The following GNPDA2 variants were observed in gnomAD, a reference collection of about 807,000 sequenced individuals.
The protein encoded by GNPDA2 is glucosamine-6-phosphate deaminase 2, also known as glcN6P deaminase 2.
A neutral mutation model predicts 27.0 loss-of-function variants in GNPDA2; 24 were observed. That is an observed-to-expected ratio of 0.89 (90% CI 0.64 to 1.25). The LOEUF is 1.25. Among genes scored for constraint, GNPDA2 ranks in the 50% most tolerant of loss-of-function variants. GNPDA2 has a pLI of 0.00. For synonymous variants in GNPDA2, 94 were observed against 108.4 expected (o/e 0.87, Z 0.83); for missense variants, 286 against 335.1 (o/e 0.85, Z 1.14).
intron 6 of GNPDA2, chr4:44,703,981 T>C (rs1716433267): frequency 3.0e-6 from 3 of 985,202 alleles, no homozygotes; most frequent in Non-Finnish European, 3.6e-6. Flanking sequence ...GGAAAGGCAC[T>C]TAATGCGGTT....
intron 4 of GNPDA2, 123 bp from the exon 5 acceptor site, chr4:44,711,260 C>T (rs1716962813): frequency 1.9e-6 from 1 of 520,442 alleles, no homozygotes; most frequent in African/African-American, 2.0e-5. Flanking sequence ...CCTATTACTG[C>T]ATTAAAATAT....
At chr4:44,705,024 A>G in intron 6 of GNPDA2, 4 of 979,294 alleles carry the variant, frequency 4.1e-6, no homozygotes, top group African/African-American at 1.7e-5. Flanking sequence ...ATATAGGTAT[A>G]TATTGAAATA....
At position 44,701,823 on chromosome 4, in the gene GNPDA2, T is replaced by C. The variant is rs969773117; in HGVS notation, c.*1258A>G. ...AACATCATCTGGAATTAAAGCAGCA[T>C]AATTTACCCCATCCCCCACTTTTAA... On this transcript the variant is annotated 3_prime_UTR_variant, in exon 7 of 7. Coordinates refer to ENST00000295448, the MANE Select transcript of GNPDA2 (RefSeq NM_138335.3). 2.0e-6 allele frequency: 2 copies of C among 984,426 alleles called. No homozygotes were observed. The highest frequency in any genetic ancestry group is 3.5e-5 in the African/African-American group (2 of 57,196). 61.0% of individuals were successfully genotyped at this position (984,426 alleles called of 1,614,324 possible). A position where few individuals can be genotyped will look rare whatever the true frequency, so the allele number is the denominator to read the frequency against.
Position 44,707,945 on chromosome 4 carries a change from C to G in GNPDA2, c.595-19G>C. On this transcript the variant is annotated intron_variant, in intron 5 of 6. Coordinates refer to ENST00000295448, the MANE Select transcript of GNPDA2 (RefSeq NM_138335.3). ...TCATTACCTGAAAAATTATGAACATCAATTGTTAAAACTTGTTCCAAATGA... is the reference window on the plus strand; with the variant it reads ...TCATTACCTGAAAAATTATGAACATGAATTGTTAAAACTTGTTCCAAATGA... The G allele has an allele frequency of 6.5e-7, 1 of 1,532,602 alleles. No homozygotes were observed. Among genetic ancestry groups the G allele is most frequent in the Non-Finnish European group, 8.8e-7 (1 of 1,130,182 alleles). The allele number at this position is 1,532,602 out of a possible 1,614,324, so 94.9% of individuals were successfully genotyped here.
chr4:44,708,284 T>C (rs1716742533), intron 5 of GNPDA2, among the ~76,000 whole-genome samples: 1 of 152,100 alleles, frequency 6.6e-6, no homozygotes, highest in African/African-American at 2.4e-5. Flanking sequence ...AAATAATTTA[T>C]ACAATCTAGA....
In GNPDA2 at chr4:44,703,073, A is replaced by G. The variant is rs1577577626; in HGVS notation, c.*8T>C. The G allele has an allele frequency of 4.3e-6, 7 of 1,611,646 alleles. No homozygotes were observed. Among genetic ancestry groups the G allele is most frequent in the Non-Finnish European group, 5.1e-6 (6 of 1,178,898 alleles). On this transcript the variant is annotated 3_prime_UTR_variant, in exon 7 of 7. Coordinates refer to ENST00000295448, the MANE Select transcript of GNPDA2 (RefSeq NM_138335.3). ...GTTCATTCAAGCTGAATTTTGCTCC[A>G]GTCTCCTTCAGTTTCCATCTTTCAT...
intron 2 of GNPDA2, among the ~76,000 whole-genome samples, chr4:44,719,773 CCAAAAAAAAAGACTGAA>C (rs1717553910): frequency 1.3e-5 from 2 of 149,442 alleles, no homozygotes; most frequent in African/African-American, 4.9e-5. Flanking sequence ...ATCAATGTGG[CCAAAAAAAAAGACTGAA>C]GAAAAAAAAA....
rs2109713865 is a variant in GNPDA2 at position 44,717,196 on chromosome 4, C to T, written c.326G>A (p.Gly109Glu). The T allele has an allele frequency of 6.2e-7, 1 of 1,606,396 alleles. No individual in the cohort carries two copies. Among genetic ancestry groups the T allele is most frequent in the South Asian group, 1.1e-5 (1 of 89,868 alleles). The change falls in exon 4 of 7, where the codon GGG becomes GAG. Residue 109 changes from glycine to glutamate, a missense_variant. Gly to Glu is a moderately conservative substitution (Grantham distance 98). Transcript: ENST00000295448. Reference protein sequence around the residue: ...IDPNNAHILDGNAADLQAECD... With the variant: ...IDPNNAHILDENAADLQAECD... Reference sequence around the variant, plus strand: ...TTCTGCTTGTAAATCTGCAGCATTCCCGTCAAGGATATGTGCATTATTAGG... The same window carrying T: ...TTCTGCTTGTAAATCTGCAGCATTCTCGTCAAGGATATGTGCATTATTAGG...
intron 4 of GNPDA2, chr4:44,714,643 T>C: frequency 1.0e-6 from 1 of 984,946 alleles, no homozygotes; most frequent in Non-Finnish European, 1.2e-6. Flanking sequence ...GTTCTTAGAG[T>C]TTTTATTAAC....
intron 3 of GNPDA2, 40 bp downstream of exon 3, chr4:44,718,269 C>T: frequency 1.3e-6 from 1 of 769,832 alleles, no homozygotes; most frequent in Non-Finnish European, 2.1e-6. Flanking sequence ...CCAAATATAA[C>T]ATACCCAAAT....
chr4:44,703,598 A>G (rs779526241), intron 6 of GNPDA2: 12 of 981,924 alleles, frequency 1.2e-5, no homozygotes, highest in South Asian at 4.7e-5. Flanking sequence ...TTACTTTCCA[A>G]TAGTTTGGCA....
chr4:44,715,734 G>C (rs1189770159), intron 4 of GNPDA2, among the ~76,000 whole-genome samples: 1 of 152,010 alleles, frequency 6.6e-6, no homozygotes, highest in Admixed American at 6.6e-5. Flanking sequence ...ATTTAAAACA[G>C]ATAACCTTCT....
intron 5 of GNPDA2, among the ~76,000 whole-genome samples, chr4:44,709,327 T>C (rs1004803288): frequency 6.6e-6 from 1 of 152,146 alleles, no homozygotes. Context: ...ATAAAACAAA[T>C]TGGTCTTTAA....
intron 5 of GNPDA2, 59 bp from the exon 6 acceptor site, chr4:44,707,985 T>G (rs762080138): frequency 3.7e-4 from 460 of 1,252,038 alleles, no homozygotes; most frequent in Non-Finnish European, 4.8e-4. Context: ...GAAGCTCTAT[T>G]TTTTTTAAAC....
At chr4:44,714,319 T>G in intron 4 of GNPDA2, 1 of 985,328 alleles carries the variant, frequency 1.0e-6, no homozygotes, top group Non-Finnish European at 1.2e-6. Flanking sequence ...ATCTTATTGC[T>G]GGGGTTAAGT....
intron 5 of GNPDA2, among the ~76,000 whole-genome samples, chr4:44,708,986 G>GT (rs994914674): frequency 2.6e-5 from 4 of 152,002 alleles, no homozygotes; most frequent in Non-Finnish European, 4.4e-5. Flanking sequence ...CAAACAAGTA[G>GT]TTTTTTTCTA....
chr4:44,704,445 A>C (rs1319966382), intron 6 of GNPDA2: 1 of 877,326 alleles, frequency 1.1e-6, no homozygotes, highest in Admixed American at 6.2e-5. Flanking sequence ...ATACATGCAA[A>C]TTAAAATATC....
At chr4:44,710,676 A>C (rs112758096) in intron 5 of GNPDA2, among the ~76,000 whole-genome samples, 1 of 152,204 alleles carries the variant, frequency 6.6e-6, no homozygotes, top group Non-Finnish European at 1.5e-5. Context: ...CGATGTGATC[A>C]GTAAGATTTT....
Position 44,722,216 on chromosome 4 carries a change from C to T in GNPDA2, c.-9G>A, listed in dbSNP as rs373637467. On this transcript the variant is annotated 5_prime_UTR_variant, in exon 2 of 7. Transcript: ENST00000295448. ...AGAATTACAAGCCTCATTACGGTGA[C>T]GCACAGCTTCCAGAACAAGTTCAAA... The T allele has an allele frequency of 1.0e-4, 161 of 1,612,454 alleles. 1 individual carries two copies. Among genetic ancestry groups the T allele is most frequent in the South Asian group, 1.4e-4 (13 of 90,790 alleles).
Sources: allele counts gnomAD v4.1 joint callset (sites outside exome capture counted in the v4.1 genomes callset), GRCh38; gene constraint gnomAD v4.1.1; transcripts MANE v1.5; gene names NCBI Gene and HGNC (gene_info 2026-07-23, HGNC 2026-07-21).